The following NCOA2 variants were observed in gnomAD, a reference collection of about 807,000 sequenced individuals.
NCOA2 encodes the protein class E basic helix-loop-helix protein 75.
In NCOA2, 21 loss-of-function variants were observed where a neutral mutation model predicts 145.1. That is an observed-to-expected ratio of 0.14 (90% CI 0.10 to 0.21). The LOEUF is 0.21. NCOA2 is among the 10% of genes least tolerant of loss of function. The probability of loss-of-function intolerance (pLI) is 1.00; values close to 1 mark genes in which losing one functional copy is unlikely to be tolerated. For synonymous variants in NCOA2, 619 were observed against 637.5 expected (o/e 0.97, Z 0.44); for missense variants, 1,472 against 1,837.6 (o/e 0.80, Z 3.64).
At chr8:70,326,431 A>ACATG (rs748890982) in intron 1 of NCOA2, among the ~76,000 whole-genome samples, 3 of 102,262 alleles carry the variant, frequency 2.9e-5, no homozygotes, top group Admixed American at 2.7e-4. Context: ...TCTCTCTCTC[A>ACATG]CACACACACA....
the NCOA2 span, among the ~76,000 whole-genome samples, chr8:70,455,626 G>T: frequency 6.7e-6 from 1 of 150,154 alleles, no homozygotes; most frequent in African/African-American, 2.4e-5. Flanking sequence ...GGTCACTTTG[G>T]TCTCTACAAA....
At chr8:70,142,227 A>G (rs1810520144) in intron 13 of NCOA2, among the ~76,000 whole-genome samples, 1 of 152,260 alleles carries the variant, frequency 6.6e-6, no homozygotes, top group Non-Finnish European at 1.5e-5. Context: ...GAAGTGTTTA[A>G]TGATGGATAC....
Position 70,113,538 on chromosome 8 carries a change from G to T in NCOA2, c.*94C>A. On this transcript the variant is annotated 3_prime_UTR_variant, in exon 23 of 23. Transcript: ENST00000452400. ...TCTAGCAGAACCGGCTGGCAGGTCAGTTGGGTTGAAACAAATAGACACAGC... is the reference window on the plus strand; with the variant it reads ...TCTAGCAGAACCGGCTGGCAGGTCATTTGGGTTGAAACAAATAGACACAGC... 1 of 1,430,606 alleles carries T rather than the reference G, an allele frequency of 7.0e-7. No homozygotes were observed. The highest frequency in any genetic ancestry group is 9.6e-7 in the Non-Finnish European group (1 of 1,038,370). 88.6% of individuals were successfully genotyped at this position (1,430,606 alleles called of 1,614,324 possible).
At chr8:70,197,730 T>C in intron 4 of NCOA2, among the ~76,000 whole-genome samples, 1 of 152,228 alleles carries the variant, frequency 6.6e-6, no homozygotes, top group East Asian at 1.9e-4. Flanking sequence ...CAGCAGTTAA[T>C]GAAAGTCCTT....
chr8:70,221,266 A>C (rs1156232777), intron 2 of NCOA2, among the ~76,000 whole-genome samples: 1 of 152,238 alleles, frequency 6.6e-6, no homozygotes, highest in African/African-American at 2.4e-5. Context: ...ATTTCTATTT[A>C]ACTAAACTAC....
chr8:70,285,245 TTTAC>T (rs757937733), intron 2 of NCOA2, among the ~76,000 whole-genome samples: 1 of 152,180 alleles, frequency 6.6e-6, no homozygotes, highest in Non-Finnish European at 1.5e-5. Context: ...TCAACAAGAA[TTTAC>T]TTAGAGTCCT....
chr8:70,338,591 G>A (rs71523180), intron 1 of NCOA2, among the ~76,000 whole-genome samples: 15,998 of 152,116 alleles, frequency 0.11, 1,283 homozygotes, highest in East Asian at 0.4. Flanking sequence ...CATTCTACGA[G>A]GCCAGCATCA....
the NCOA2 span, among the ~76,000 whole-genome samples, chr8:70,417,243 A>AT: frequency 8.3e-6 from 1 of 120,516 alleles, no homozygotes; most frequent in East Asian, 3.2e-4. Context: ...CCTCGTCTCT[A>AT]TTAAAAAAAA....
At chr8:70,199,451 C>CAAA (rs1181856736) in intron 4 of NCOA2, among the ~76,000 whole-genome samples, 1 of 76,088 alleles carries the variant, frequency 1.3e-5, no homozygotes, top group Admixed American at 1.4e-4. Flanking sequence ...GACTCCATCT[C>CAAA]AAAAAAAAAA....
chr8:70,198,787 A>C (rs1245231755), intron 4 of NCOA2, among the ~76,000 whole-genome samples: 1 of 152,196 alleles, frequency 6.6e-6, no homozygotes, highest in Non-Finnish European at 1.5e-5. Flanking sequence ...TGGTGGTTAC[A>C]CAGACTGAGA....
intron 2 of NCOA2, among the ~76,000 whole-genome samples, chr8:70,240,209 T>C (rs1586217718): frequency 1.3e-5 from 2 of 152,284 alleles, no homozygotes; most frequent in East Asian, 3.9e-4. Context: ...TGCACAACCT[T>C]AGGAAAGGTT....
intron 1 of NCOA2, among the ~76,000 whole-genome samples, chr8:70,340,873 G>T (rs1157179708): frequency 6.6e-6 from 1 of 152,068 alleles, no homozygotes; most frequent in South Asian, 2.1e-4. Context: ...AGTGGGAGTT[G>T]AATGATAAGA....
intron 22 of NCOA2, among the ~76,000 whole-genome samples, chr8:70,119,369 G>T (rs969384483): frequency 6.6e-6 from 1 of 151,994 alleles, no homozygotes; most frequent in Non-Finnish European, 1.5e-5. Context: ...TTCCATCTAC[G>T]TTGCCACAAA....
chr8:70,233,307 T>G (rs1368230186), intron 2 of NCOA2, among the ~76,000 whole-genome samples: 1 of 152,174 alleles, frequency 6.6e-6, no homozygotes, highest in Non-Finnish European at 1.5e-5. Context: ...ATAATCAAAT[T>G]CAGTATTATT....
At chr8:70,147,033 C>T (rs558466734) in intron 12 of NCOA2, among the ~76,000 whole-genome samples, 182 of 152,282 alleles carry the variant, frequency 1.2e-3, no homozygotes, top group African/African-American at 4.3e-3. Flanking sequence ...CTTTTGACTT[C>T]GTGATCTCCC....
intron 2 of NCOA2, among the ~76,000 whole-genome samples, chr8:70,294,585 A>T (rs1003088748): frequency 6.6e-6 from 1 of 152,232 alleles, no homozygotes; most frequent in South Asian, 2.1e-4. Flanking sequence ...CTAATGAAAT[A>T]TAAGTGAAAT....
the NCOA2 span, among the ~76,000 whole-genome samples, chr8:70,430,919 A>G: frequency 1.3e-5 from 2 of 152,218 alleles, no homozygotes; most frequent in Non-Finnish European, 2.9e-5. Context: ...TTATCTATCA[A>G]CTTATTTCTA....
At chr8:70,202,963 T>C (rs1214483633) in intron 4 of NCOA2, among the ~76,000 whole-genome samples, 1 of 151,978 alleles carries the variant, frequency 6.6e-6, no homozygotes, top group Non-Finnish European at 1.5e-5. Flanking sequence ...GAGGCTGAGG[T>C]GGCCGGATCA....
At chr8:70,245,159 CCT>C (rs1822504185) in intron 2 of NCOA2, 2 of 152,080 alleles carry the variant, frequency 1.3e-5, no homozygotes, top group East Asian at 1.9e-4. Context: ...AGATAAATCT[CCT>C]CTGTTAACCC....
Sources: gnomAD v4.1 joint callset for allele counts (sites outside exome capture counted in the v4.1 genomes callset) on GRCh38, gnomAD v4.1.1 for gene constraint, MANE v1.5 for transcripts, NCBI Gene and HGNC (gene_info 2026-07-23, HGNC 2026-07-21) for gene names.